Variants in OSBP2 observed in about 807,000 individuals in gnomAD.
The protein encoded by OSBP2 is oxysterol binding protein 2.
In OSBP2, 66 loss-of-function variants were observed where a neutral mutation model predicts 96.0. The observed-to-expected ratio is 0.69, with a 90% CI of 0.56 to 0.84. OSBP2 has a LOEUF of 0.84. Ranked by LOEUF, OSBP2 falls within the 40% of genes least tolerant of loss-of-function variation. OSBP2 has a pLI of 0.00. For missense variants in OSBP2, 1,038 were observed against 1,222.7 expected (o/e 0.85, Z 2.25); for synonymous variants, 525 against 520.9 (o/e 1.01, Z -0.11).
chr22:30,806,484 C>A (rs1045116223), intron 2 of OSBP2, among the ~76,000 whole-genome samples: 8 of 152,160 alleles, frequency 5.3e-5, no homozygotes, highest in Non-Finnish European at 1.2e-4. Context: ...GCAGCTGGGG[C>A]AGCAGCCGCA....
chr22:30,840,209 T>TA (rs145829486), intron 2 of OSBP2, among the ~76,000 whole-genome samples: 1,664 of 126,360 alleles, frequency 0.013, 16 homozygotes, highest in Non-Finnish European at 0.017. Flanking sequence ...TCAAGTGTAA[T>TA]AAAAAAAAAA....
At chr22:30,720,340 G>T (rs1017800880) in intron 1 of OSBP2, among the ~76,000 whole-genome samples, 25 of 152,158 alleles carry the variant, frequency 1.6e-4, no homozygotes, top group African/African-American at 6.0e-4. Context: ...TCATTTGAAG[G>T]CTTGACTGGC....
At chr22:30,694,004 G>GT, upstream of OSBP2, 3 of 1,455,710 alleles carry the variant, frequency 2.1e-6, no homozygotes, top group Non-Finnish European at 2.8e-6. Context: ...AAAATTCGCT[G>GT]ATGTTTTAAC....
In OSBP2 at chr22:30,863,319, C is replaced by T. The variant is rs149115908; in HGVS notation, c.854-7110C>T. Among the ~76,000 whole-genome samples, 713 of 152,264 alleles carry T rather than the reference C, an allele frequency of 4.7e-3. 4 individuals are homozygous for T. The highest frequency in any genetic ancestry group is 8.1e-3 in the Non-Finnish European group (548 of 68,028). The stretch of plus-strand genomic sequence containing the variant: ...AGCTGCTGTAATTGAATGTTGGAGG[C>T]GCCAACCACACGGGCTGGGAATGGC... On this transcript the variant is annotated intron_variant, in intron 2 of 13. Coordinates refer to ENST00000332585, the MANE Select transcript of OSBP2 (RefSeq NM_030758.4).
intron 1 of OSBP2, among the ~76,000 whole-genome samples, chr22:30,735,152 A>G (rs923803936): frequency 2.6e-5 from 4 of 152,202 alleles, no homozygotes; most frequent in Non-Finnish European, 4.4e-5. Flanking sequence ...TGATTGCACC[A>G]TTGCACTCCA....
intron 1 of OSBP2, among the ~76,000 whole-genome samples, chr22:30,708,649 C>T (rs1411364366): frequency 3.3e-5 from 5 of 150,744 alleles, no homozygotes; most frequent in Non-Finnish European, 5.9e-5. Flanking sequence ...CCATCATGCC[C>T]GGCTAAGTTT....
intron 1 of OSBP2, among the ~76,000 whole-genome samples, chr22:30,739,192 C>T (rs939635158): frequency 2.6e-5 from 4 of 152,146 alleles, no homozygotes; most frequent in African/African-American, 9.7e-5. Flanking sequence ...AGTCACCTAC[C>T]CTCCCCTTAT....
intron 2 of OSBP2, among the ~76,000 whole-genome samples, chr22:30,817,006 A>G (rs2091091419): frequency 1.3e-5 from 2 of 152,172 alleles, no homozygotes; most frequent in African/African-American, 4.8e-5. Context: ...AAGTGCTGAG[A>G]TTACAGGCAT....
Position 30,776,918 on chromosome 22 carries a change from A to G in OSBP2, c.853+35549A>G, listed in dbSNP as rs190977060. Among the ~76,000 whole-genome samples, 17 of 152,208 alleles carry G rather than the reference A, an allele frequency of 1.1e-4. No homozygotes were observed. In the Middle Eastern group the frequency reaches 0.01, roughly 91 times the overall value. ...CTGGAGTCAAAGGAGATCATTTTGGAGCTTTAAGATCTGACTGCCCCACTG... is the reference window on the plus strand; with the variant it reads ...CTGGAGTCAAAGGAGATCATTTTGGGGCTTTAAGATCTGACTGCCCCACTG... On this transcript the variant is annotated intron_variant, in intron 2 of 13. Transcript: ENST00000332585.
intron 1 of OSBP2, among the ~76,000 whole-genome samples, chr22:30,726,761 G>A (rs563124906): frequency 2.0e-5 from 3 of 152,178 alleles, no homozygotes; most frequent in East Asian, 1.9e-4. Context: ...CCTTGTAGTC[G>A]CATTTATTTA....
At chr22:30,728,335 C>T (rs1359277721) in intron 1 of OSBP2, among the ~76,000 whole-genome samples, 2 of 148,200 alleles carry the variant, frequency 1.3e-5, no homozygotes, top group Non-Finnish European at 3.0e-5. Flanking sequence ...GTGGAGCTTG[C>T]AGTGAGCCAA....
intron 2 of OSBP2, among the ~76,000 whole-genome samples, chr22:30,864,597 C>A (rs1334559182): frequency 6.6e-6 from 1 of 152,084 alleles, no homozygotes; most frequent in Non-Finnish European, 1.5e-5. Context: ...AATGTCCTTC[C>A]CCGCCCAGGA....
intron 2 of OSBP2, among the ~76,000 whole-genome samples, chr22:30,860,905 C>T (rs1053514121): frequency 6.6e-6 from 1 of 152,214 alleles, no homozygotes; most frequent in Non-Finnish European, 1.5e-5. Context: ...CTGAAGTGGG[C>T]CTGGCTGCCC....
intron 1 of OSBP2, among the ~76,000 whole-genome samples, chr22:30,715,681 A>G (rs2089440601): frequency 6.6e-6 from 1 of 151,112 alleles, no homozygotes; most frequent in African/African-American, 2.4e-5. Flanking sequence ...CCTCCCAGGT[A>G]GCTGTGATTG....
chr22:30,705,841 G>T (rs1284968632), intron 1 of OSBP2, among the ~76,000 whole-genome samples: 3 of 152,192 alleles, frequency 2.0e-5, no homozygotes, highest in Non-Finnish European at 1.5e-5. Context: ...CAACTGGAGT[G>T]GAGGAGGGGG....
At chr22:30,893,793 C>A in intron 11 of OSBP2, 24 bp from the exon 12 acceptor site, 1 of 1,603,622 alleles carries the variant, frequency 6.2e-7, no homozygotes. Flanking sequence ...TCTGCACCTA[C>A]GCTGGTCCTG....
intron 2 of OSBP2, among the ~76,000 whole-genome samples, chr22:30,751,598 T>C (rs959704721): frequency 6.6e-6 from 1 of 151,876 alleles, no homozygotes; most frequent in Admixed American, 6.6e-5. Context: ...GAGGTGATCC[T>C]CCTGCCTTGG....
At chr22:30,694,569 C>T (rs1274553012), upstream of OSBP2, among the ~76,000 whole-genome samples, 2 of 53,080 alleles carry the variant, frequency 3.8e-5, no homozygotes, top group African/African-American at 1.6e-4. Flanking sequence ...ATCATTGTTC[C>T]TCCAGCGCCT....
intron 8 of OSBP2, 114 bp downstream of exon 8, chr22:30,891,087 T>C (rs907007322): frequency 6.9e-6 from 9 of 1,311,142 alleles, no homozygotes; most frequent in African/African-American, 5.8e-5. Context: ...TGACTGCCCA[T>C]ACCCAAGGGG....
Sources: allele counts gnomAD v4.1 joint callset (sites outside exome capture counted in the v4.1 genomes callset), GRCh38; gene constraint gnomAD v4.1.1; transcripts MANE v1.5; gene names NCBI Gene and HGNC (gene_info 2026-07-23, HGNC 2026-07-21).